Variants in GALNT18 observed in about 807,000 individuals in gnomAD.
GALNT18 encodes the protein GalNAc-transferase 18.
GALNT18 carries 44 observed loss-of-function variants against 69.5 expected under a neutral mutation model. That is an observed-to-expected ratio of 0.63 (90% CI 0.50 to 0.81). The LOEUF (loss-of-function observed/expected upper bound fraction) is 0.81. GALNT18 is among the 40% of genes least tolerant of loss of function. The pLI is 0.00. For missense variants in GALNT18, 715 were observed against 810.0 expected (o/e 0.88, Z 1.42); for synonymous variants, 364 against 318.2 (o/e 1.14, Z -1.53).
Position 11,465,721 on chromosome 11 carries a change from C to T in GALNT18, c.236-16785G>A, listed in dbSNP as rs1856141031. Among the ~76,000 whole-genome samples the T allele has an allele frequency of 6.6e-6, 1 of 152,140 alleles. No homozygotes were observed. Among genetic ancestry groups the T allele is most frequent in the Non-Finnish European group, 1.5e-5 (1 of 68,022 alleles). ...CCACGGTTAGCTCCTGGACCATGGACCTGGGCAAGGTCAGCTGGCTCCATA... is the reference window on the plus strand; with the variant it reads ...CCACGGTTAGCTCCTGGACCATGGATCTGGGCAAGGTCAGCTGGCTCCATA... On this transcript the variant is annotated intron_variant, in intron 1 of 10. Transcript: ENST00000227756. This position sits in a 1 kb window ranked among gnomAD's most constrained non-coding sequence, Gnocchi z 5.7.
rs1856099059 is a variant in GALNT18 at position 11,463,814 on chromosome 11, C to T, written c.236-14878G>A. The stretch of plus-strand genomic sequence containing the variant: ...AGCATGACGGTAAAAATATTTATCA[C>T]ATGAAAGATGTGAAACCTTTATGCT... On this transcript the variant is annotated intron_variant, in intron 1 of 10. Coordinates refer to ENST00000227756, the MANE Select transcript of GALNT18 (RefSeq NM_198516.3). This position sits in a 1 kb window ranked among gnomAD's most constrained non-coding sequence, Gnocchi z 4.2. Among the ~76,000 whole-genome samples the T allele has an allele frequency of 6.6e-6, 1 of 152,172 alleles. No individual in the cohort carries two copies. Among genetic ancestry groups the T allele is most frequent in the African/African-American group, 2.4e-5 (1 of 41,430 alleles).
intron 10 of GALNT18, among the ~76,000 whole-genome samples, chr11:11,284,099 A>G (rs1849142158): frequency 6.6e-6 from 1 of 152,186 alleles, no homozygotes; most frequent in Admixed American, 6.5e-5. Context: ...TTGCAAAAGG[A>G]GACAGAGCAT....
In GALNT18 at chr11:11,454,374, T is replaced by C. The variant is rs1383515474; in HGVS notation, c.236-5438A>G. On this transcript the variant is annotated intron_variant, in intron 1 of 10. Transcript: ENST00000227756. The surrounding 1 kb of genome is among the most constrained non-coding windows in gnomAD (Gnocchi z 4.2). ...CCAGGACTCCTCTGTAAATCTCTTA[T>C]ACCAGAGAATTACCAGGCTTCTCTC... Among the ~76,000 whole-genome samples, 1 of 152,170 alleles carries C rather than the reference T, an allele frequency of 6.6e-6. No homozygotes were observed. The highest frequency in any genetic ancestry group is 1.9e-4 in the East Asian group (1 of 5,196).
rs1199403180 is a variant in GALNT18 at position 11,436,632 on chromosome 11, C to T, written c.429-3845G>A. Among the ~76,000 whole-genome samples, 1 of 152,220 alleles carries T rather than the reference C, an allele frequency of 6.6e-6. No homozygotes were observed. Among genetic ancestry groups the T allele is most frequent in the Non-Finnish European group, 1.5e-5 (1 of 68,042 alleles). On this transcript the variant is annotated intron_variant, in intron 2 of 10. Transcript: ENST00000227756. This position sits in a 1 kb window ranked among gnomAD's most constrained non-coding sequence, Gnocchi z 4.5. ...CACAAAACACACGTTCATGCCACAT[C>T]ATGACACGGTCTGTAGTTCGTATCT...
At chr11:11,279,589 T>TA (rs1748623533) in intron 10 of GALNT18, among the ~76,000 whole-genome samples, 1 of 111,330 alleles carries the variant, frequency 9.0e-6, no homozygotes, top group South Asian at 2.8e-4. Context: ...ACAAAAACTA[T>TA]AGCTATACTC....
chr11:11,362,188 C>T (rs568857496), intron 6 of GALNT18, among the ~76,000 whole-genome samples: 122 of 152,088 alleles, frequency 8.0e-4, no homozygotes, highest in African/African-American at 2.7e-3. Context: ...CTGAATGAAT[C>T]GGAGACTAAA....
rs1858556856 is a variant in GALNT18, at chr11:11,563,138, A to G, written c.235+58221T>C. Among the ~76,000 whole-genome samples, 1 of 152,050 alleles carries G rather than the reference A, an allele frequency of 6.6e-6. No homozygotes were observed. Among genetic ancestry groups the G allele is most frequent in the African/African-American group, 2.4e-5 (1 of 41,386 alleles). ...ACCACACCCCACAGAGTGCCCTCAA[A>G]CAGTGGAGGAGCAGCTGCTTGCAGT... is the stretch of plus-strand genomic sequence containing the variant. On this transcript the variant is annotated intron_variant, in intron 1 of 10. Transcript: ENST00000227756. The surrounding 1 kb of genome is among the most constrained non-coding windows in gnomAD (Gnocchi z 4.6).
intron 3 of GALNT18, 117 bp from the exon 4 acceptor site, chr11:11,379,381 C>A: frequency 2.0e-6 from 2 of 980,522 alleles, no homozygotes; most frequent in East Asian, 2.5e-5. Context: ...GACCCATTCC[C>A]CTCCCTGGGT....
intron 1 of GALNT18, among the ~76,000 whole-genome samples, chr11:11,553,467 C>T (rs1858250487): frequency 6.6e-6 from 1 of 152,220 alleles, no homozygotes. Flanking sequence ...GGACGGGACC[C>T]AGGCCTCTGT....
rs529469442 is a variant in GALNT18, at chr11:11,370,272, G to A, written c.1092+2243C>T. Among the ~76,000 whole-genome samples, 6 of 152,320 alleles carry A rather than the reference G, an allele frequency of 3.9e-5. No individual in the cohort carries two copies. The East Asian group carries it at 7.7e-4, about 20-fold the overall frequency. On this transcript the variant is annotated intron_variant, in intron 6 of 10. Transcript: ENST00000227756. ...AGAAGGGTGAAAAGTGATCTTTCAT[G>A]TTGATACACAATCGTATGGTGTAAT...
intron 1 of GALNT18, among the ~76,000 whole-genome samples, chr11:11,554,256 CT>C (rs1045312636): frequency 6.6e-6 from 1 of 152,154 alleles, no homozygotes; most frequent in African/African-American, 2.4e-5. Context: ...TCTCAGTGGG[CT>C]TGTTCCCCTT....
chr11:11,456,829 T>C (rs938497159), intron 1 of GALNT18, among the ~76,000 whole-genome samples: 2 of 152,180 alleles, frequency 1.3e-5, no homozygotes, highest in African/African-American at 4.8e-5. Context: ...ATAGGGCACC[T>C]GGGAAATGCC....
intron 1 of GALNT18, among the ~76,000 whole-genome samples, chr11:11,464,239 A>G (rs979602679): frequency 3.3e-5 from 5 of 152,210 alleles, no homozygotes; most frequent in African/African-American, 1.2e-4. Flanking sequence ...TGCTCCACAA[A>G]TGGATTTTTA....
At chr11:11,313,247 G>A (rs1468665796) in intron 9 of GALNT18, among the ~76,000 whole-genome samples, 6 of 152,154 alleles carry the variant, frequency 3.9e-5, no homozygotes, top group Non-Finnish European at 8.8e-5. Flanking sequence ...CAGGAGGCAT[G>A]TGCAGACAGC....
rs1169072324 is a variant in GALNT18, at chr11:11,605,229, G to A, written c.235+16130C>T. ...CAAACTCAGACCCACACTCATGGGT[G>A]GGTGATTCCCCAGGTGGCCAGCAGA... is the stretch of plus-strand genomic sequence containing the variant. On this transcript the variant is annotated intron_variant, in intron 1 of 10. Transcript: ENST00000227756. The surrounding 1 kb of genome is among the most constrained non-coding windows in gnomAD (Gnocchi z 4.7). Among the ~76,000 whole-genome samples the A allele has an allele frequency of 2.0e-5, 3 of 152,168 alleles. No homozygotes were observed. Among genetic ancestry groups the A allele is most frequent in the African/African-American group, 7.2e-5 (3 of 41,446 alleles).
chr11:11,482,811 C>A (rs1435950383), intron 1 of GALNT18, among the ~76,000 whole-genome samples: 1 of 152,114 alleles, frequency 6.6e-6, no homozygotes, highest in Non-Finnish European at 1.5e-5. Context: ...CGGAAATAAA[C>A]CCTCCAAGGT....
chr11:11,279,655 A>G (rs1441474159), intron 10 of GALNT18, among the ~76,000 whole-genome samples: 1 of 152,180 alleles, frequency 6.6e-6, no homozygotes, highest in East Asian at 1.9e-4. Context: ...ATACAAACAA[A>G]CATTATTCTA....
At chr11:11,348,943 C>G (rs1044681573) in intron 6 of GALNT18, among the ~76,000 whole-genome samples, 7 of 152,176 alleles carry the variant, frequency 4.6e-5, no homozygotes, top group African/African-American at 7.2e-5. Context: ...TTCCACCCCC[C>G]TTAAGAAGCA....
chr11:11,542,730 G>C lies in GALNT18; in HGVS notation c.235+78629C>G, dbSNP rs1857956106. ...TCACATTTGTGTAAAGCAAATTTCAGTTTGCCTTTGAGTTCCTTTATAGTC... is the reference window on the plus strand; with the variant it reads ...TCACATTTGTGTAAAGCAAATTTCACTTTGCCTTTGAGTTCCTTTATAGTC... On this transcript the variant is annotated intron_variant, in intron 1 of 10. Coordinates refer to ENST00000227756, the MANE Select transcript of GALNT18 (RefSeq NM_198516.3). The surrounding 1 kb of genome is among the most constrained non-coding windows in gnomAD (Gnocchi z 4.3). 1.3e-5 allele frequency among the ~76,000 whole-genome samples: 2 copies of C among 152,328 alleles called. No individual in the cohort carries two copies. The highest frequency in any genetic ancestry group is 6.5e-5 in the Admixed American group (1 of 15,300).
Sources: allele counts gnomAD v4.1 joint callset (sites outside exome capture counted in the v4.1 genomes callset), GRCh38; gene constraint gnomAD v4.1.1; non-coding constraint Gnocchi (gnomAD v3.1); transcripts MANE v1.5; gene names NCBI Gene and HGNC (gene_info 2026-07-23, HGNC 2026-07-21).